ANK2: variants seen among roughly 807,000 people sequenced by gnomAD.
ANK2 encodes the protein ankyrin 2.
ANK2 carries 83 observed loss-of-function variants against 360.5 expected under a neutral mutation model. The observed-to-expected ratio is 0.23, with a 90% CI of 0.19 to 0.28. The LOEUF (loss-of-function observed/expected upper bound fraction) is 0.28, where lower values mean the gene tolerates loss of function less well. ANK2 is among the 10% of genes least tolerant of loss of function. The probability of loss-of-function intolerance (pLI) is 1.00; values close to 1 mark genes in which losing one functional copy is unlikely to be tolerated. For synonymous variants in ANK2, 1,740 were observed against 1,759.5 expected, an observed-to-expected ratio of 0.99 and a Z score of 0.28; for missense variants, 4,201 against 4,795.7, an observed-to-expected ratio of 0.88 and a Z score of 3.66.
chr4:112,796,243 G>A, the ANK2 span, among the ~76,000 whole-genome samples: 2 of 152,026 alleles, frequency 1.3e-5, no homozygotes, highest in Non-Finnish European at 2.9e-5. Context: ...GACCAACATG[G>A]AGAAACTCCA....
intron 2 of ANK2, among the ~76,000 whole-genome samples, chr4:113,004,377 A>G: frequency 6.6e-6 from 1 of 152,000 alleles, no homozygotes; most frequent in African/African-American, 2.4e-5. Context: ...CTATTTAAAA[A>G]TTTTTTTTGT....
intron 41 of ANK2, among the ~76,000 whole-genome samples, chr4:113,366,391 C>CTTTTTTTTTTTTTTTTTTTTT (rs58588518): frequency 9.2e-6 from 1 of 108,370 alleles, no homozygotes; most frequent in African/African-American, 4.4e-5. Flanking sequence ...TTCTTGCTTC[C>CTTTTTTTTTTTTTTTTTTTTT]TTTTTTTTTT....
chr4:112,829,297 G>T lies in ANK2; in HGVS notation c.-40+11033G>T, dbSNP rs114488572. ...AGTCCTCAACTATTACTGTATTAGA[G>T]TCTATTTCTCCCTTTATATCTGAGT... is the stretch of plus-strand genomic sequence containing the variant. On this transcript the variant is annotated intron_variant, in intron 1 of 30. Transcript: ENST00000503271. Among the ~76,000 whole-genome samples, 407 of 152,116 alleles carry T rather than the reference G, an allele frequency of 2.7e-3. 1 individual carries two copies. The highest frequency in any genetic ancestry group is 9.5e-3 in the African/African-American group (393 of 41,480).
chr4:112,750,310 A>C, the ANK2 span, among the ~76,000 whole-genome samples: 1 of 152,026 alleles, frequency 6.6e-6, no homozygotes, highest in Non-Finnish European at 1.5e-5. Flanking sequence ...GCAGTGAGCC[A>C]AGATCGCCCC....
rs566982182 is a variant in ANK2 at position 113,024,227 on chromosome 4, C to T, written c.21+119713C>T. ...TATTTATCAAGAGAGCATGCTCCTC[C>T]ATCACAGAGGCAGGGTTTAATAAAG... On this transcript the variant is annotated intron_variant, in intron 2 of 30. Transcript: ENST00000503271. 1.6e-4 allele frequency among the ~76,000 whole-genome samples: 24 copies of T among 152,146 alleles called. No homozygotes were observed. The South Asian group carries it at 4.6e-3, about 29-fold the overall frequency.
intron 1 of ANK2, among the ~76,000 whole-genome samples, chr4:112,883,064 A>G (rs565418543): frequency 0.011 from 693 of 61,682 alleles, 5 homozygotes; most frequent in Non-Finnish European, 0.016. Context: ...TTTGAGATGG[A>G]GTTTCACTCT....
At chr4:112,954,051 A>AT (rs537621599) in intron 2 of ANK2, among the ~76,000 whole-genome samples, 197 of 152,218 alleles carry the variant, frequency 1.3e-3, no homozygotes, top group African/African-American at 3.6e-3. Context: ...AACTATTTCT[A>AT]TTTTAAACTC....
the ANK2 span, among the ~76,000 whole-genome samples, chr4:112,754,506 G>GT: frequency 1.9e-3 from 152 of 78,240 alleles, no homozygotes; most frequent in East Asian, 0.044. Context: ...ATTGTTATGA[G>GT]TTTTTTTTTT....
At chr4:113,211,551 T>G (rs1241631332) in intron 4 of ANK2, among the ~76,000 whole-genome samples, 2 of 152,228 alleles carry the variant, frequency 1.3e-5, no homozygotes, top group Non-Finnish European at 2.9e-5. Flanking sequence ...TTTAACTATT[T>G]TGAAGACAAC....
At chr4:112,784,212 T>C in the ANK2 span, among the ~76,000 whole-genome samples, 1 of 151,984 alleles carries the variant, frequency 6.6e-6, no homozygotes. Flanking sequence ...ATGCTTTTTT[T>C]TTTGAGACCA....
chr4:113,203,812 T>C (rs1056724470), intron 4 of ANK2, among the ~76,000 whole-genome samples: 2 of 152,324 alleles, frequency 1.3e-5, no homozygotes, highest in East Asian at 3.9e-4. Flanking sequence ...ATATTGCTTC[T>C]CATAGTTCCC....
the ANK2 span, among the ~76,000 whole-genome samples, chr4:112,807,782 C>G: frequency 0.046 from 6,971 of 152,278 alleles, 403 homozygotes; most frequent in African/African-American, 0.13. Context: ...TCCCCAGAAA[C>G]AGCATTTGGT....
intron 36 of ANK2, among the ~76,000 whole-genome samples, 197 bp from the exon 37 acceptor site, chr4:113,350,031 A>G (rs1409916061): frequency 1.3e-5 from 2 of 152,110 alleles, no homozygotes; most frequent in Non-Finnish European, 2.9e-5. Context: ...GTGTCTAGAA[A>G]ACAGAAGGTT....
intron 2 of ANK2, among the ~76,000 whole-genome samples, chr4:113,022,915 A>T (rs1291228245): frequency 6.6e-6 from 1 of 152,156 alleles, no homozygotes; most frequent in African/African-American, 2.4e-5. Flanking sequence ...AAAAATATTA[A>T]ATGTTTGGAT....
intron 1 of ANK2, among the ~76,000 whole-genome samples, chr4:113,173,558 G>A (rs2098076828): frequency 6.6e-6 from 1 of 152,084 alleles, no homozygotes; most frequent in Admixed American, 6.6e-5. Flanking sequence ...ATTATGTTAA[G>A]GTTTAAAAGT....
rs965174035 is a variant in ANK2 at position 113,156,962 on chromosome 4, A to C, written c.85-17454A>C. Reference sequence around the variant, plus strand: ...TTACATATATATCCTTTTTAAGAGAAGGGAGATTGTAAGAGCAAAAAAGGC... The same window carrying C: ...TTACATATATATCCTTTTTAAGAGACGGGAGATTGTAAGAGCAAAAAAGGC... On this transcript the variant is annotated intron_variant, in intron 1 of 45. Transcript: ENST00000357077. 3.3e-5 allele frequency among the ~76,000 whole-genome samples: 5 copies of C among 152,092 alleles called. No individual in the cohort carries two copies. The South Asian group carries it at 6.2e-4, about 19-fold the overall frequency.
In ANK2 at chr4:112,913,891, T is replaced by A. The variant is rs191875262; in HGVS notation, c.21+9377T>A. 1.4e-3 allele frequency among the ~76,000 whole-genome samples: 212 copies of A among 152,330 alleles called. 1 individual carries two copies. The highest frequency in any genetic ancestry group is 4.7e-3 in the African/African-American group (197 of 41,566). ...GAAATATTTTTTCTCTATATATTTTTAAATATTAGATAACTTTTCATGGAT... is the reference window on the plus strand; with the variant it reads ...GAAATATTTTTTCTCTATATATTTTAAAATATTAGATAACTTTTCATGGAT... On this transcript the variant is annotated intron_variant, in intron 2 of 30. Transcript: ENST00000503271.
upstream of ANK2, among the ~76,000 whole-genome samples, chr4:112,815,128 A>AG (rs1330734404): frequency 6.6e-6 from 1 of 151,876 alleles, no homozygotes; most frequent in East Asian, 1.9e-4. Context: ...TGATCCGCCC[A>AG]CCTCGGCCTC....
intron 35 of ANK2, among the ~76,000 whole-genome samples, chr4:113,347,575 C>A (rs2095011249): frequency 6.6e-6 from 1 of 152,116 alleles, no homozygotes. Context: ...ACATATCAGA[C>A]ACAGCTATTA....
Sources: gnomAD v4.1 joint callset for allele counts (sites outside exome capture counted in the v4.1 genomes callset) on GRCh38, gnomAD v4.1.1 for gene constraint, MANE v1.5 for transcripts, NCBI Gene and HGNC (gene_info 2026-07-23, HGNC 2026-07-21) for gene names.